Variants in PRSS23 observed in about 807,000 individuals in gnomAD.
The protein encoded by PRSS23 is serine protease 23.
Under a neutral mutation model 34.7 loss-of-function variants are expected in PRSS23, and 25 were observed. That is an observed-to-expected ratio of 0.72 (90% CI 0.53 to 1.01). The LOEUF is 1.01. Among genes scored for constraint, PRSS23 ranks in the 50% least tolerant of loss-of-function variants. The pLI is 0.00. For synonymous variants in PRSS23, 176 were observed against 186.6 expected, an observed-to-expected ratio of 0.94 and a Z score of 0.46; for missense variants, 445 against 475.6, an observed-to-expected ratio of 0.94 and a Z score of 0.60.
rs185193554 is a variant in PRSS23, at chr11:86,939,474, A to G, written c.207-11742A>G. ...GCAAATGTTCAGGACTTAGCTCTTG[A>G]ATGGCTACTAAAGATTATAATTCCT... On this transcript the variant is annotated intron_variant, in intron 2 of 2. Transcript: ENST00000533902. 8.6e-3 allele frequency among the ~76,000 whole-genome samples: 1,073 copies of G among 125,432 alleles called. 14 individuals are homozygous for G. Among genetic ancestry groups the G allele is most frequent in the African/African-American group, 0.027 (1,019 of 38,318 alleles). The allele number at this position is 125,432 out of a possible 152,430, so 82.3% of individuals were successfully genotyped here. A position where few individuals can be genotyped will look rare whatever the true frequency, so the allele number is the denominator to read the frequency against.
intron 2 of PRSS23, among the ~76,000 whole-genome samples, chr11:86,883,526 CA>C (rs1555078604): frequency 5.3e-5 from 8 of 151,996 alleles, no homozygotes; most frequent in Non-Finnish European, 2.9e-5. Flanking sequence ...TGTAAAACCC[CA>C]AACTATAAAA....
rs185367707 is a variant in PRSS23, at chr11:86,847,594, A to T, written c.206+24001A>T. Among the ~76,000 whole-genome samples the T allele has an allele frequency of 1.3e-4, 20 of 152,234 alleles. No homozygotes were observed. In the East Asian group the frequency reaches 2.5e-3, roughly 19 times the overall value. On this transcript the variant is annotated intron_variant, in intron 2 of 2. Transcript: ENST00000533902. Reference sequence around the variant, plus strand: ...GGGTGTGGGCATCCCTGTGTTTAAAATTCCAGATGGGCACCACACCTTCCA... The same window carrying T: ...GGGTGTGGGCATCCCTGTGTTTAAATTTCCAGATGGGCACCACACCTTCCA...
At chr11:86,924,460 G>A (rs560261564) in intron 2 of PRSS23, among the ~76,000 whole-genome samples, 27 of 152,320 alleles carry the variant, frequency 1.8e-4, no homozygotes, top group African/African-American at 6.3e-4. Flanking sequence ...GGACCAAGAA[G>A]TAAGGGATAG....
At chr11:86,897,914 C>T (rs1208189703) in intron 2 of PRSS23, among the ~76,000 whole-genome samples, 1 of 152,270 alleles carries the variant, frequency 6.6e-6, no homozygotes, top group South Asian at 2.1e-4. Context: ...AAAAACTGTG[C>T]CAAATAACAT....
At chr11:86,832,599 T>G (rs371439208) in intron 2 of PRSS23, 2 of 491,058 alleles carry the variant, frequency 4.1e-6, no homozygotes, top group African/African-American at 3.9e-5. Context: ...ATGAAGGGGT[T>G]CAGCATGGGG....
intron 1 of PRSS23, among the ~76,000 whole-genome samples, chr11:86,823,071 A>G (rs1458818228): frequency 6.6e-6 from 1 of 152,160 alleles, no homozygotes; most frequent in Non-Finnish European, 1.5e-5. Context: ...ACCAGCCTGA[A>G]GGTTTGGGAG....
At chr11:86,951,168 C>A (rs1827969399) in intron 2 of PRSS23, 2 of 1,613,968 alleles carry the variant, frequency 1.2e-6, no homozygotes, top group Non-Finnish European at 1.7e-6. Flanking sequence ...CTGCCTTTTC[C>A]AGGCTTCACC....
At chr11:86,882,275 G>A (rs1268031733) in intron 2 of PRSS23, among the ~76,000 whole-genome samples, 1 of 152,030 alleles carries the variant, frequency 6.6e-6, no homozygotes, top group Non-Finnish European at 1.5e-5. Context: ...CATGTCATGA[G>A]GGTTTCTTGT....
At chr11:86,893,736 T>A (rs917956443) in intron 2 of PRSS23, among the ~76,000 whole-genome samples, 9 of 151,682 alleles carry the variant, frequency 5.9e-5, no homozygotes, top group Admixed American at 2.0e-4. Flanking sequence ...TTGTTAAAAA[T>A]TTTTTTTAAA....
chr11:86,860,999 C>T (rs1345410603), intron 2 of PRSS23, among the ~76,000 whole-genome samples: 1 of 149,546 alleles, frequency 6.7e-6, no homozygotes, highest in African/African-American at 2.5e-5. Flanking sequence ...TAATATCCAC[C>T]GGGGGTGAGA....
intron 2 of PRSS23, among the ~76,000 whole-genome samples, chr11:86,832,159 C>T (rs1948362866): frequency 1.3e-5 from 2 of 152,094 alleles, no homozygotes; most frequent in Non-Finnish European, 2.9e-5. Context: ...CATGTGCGTA[C>T]ACCCCCAGTG....
chr11:86,897,534 A>T (rs372312821), intron 2 of PRSS23, among the ~76,000 whole-genome samples: 1 of 152,228 alleles, frequency 6.6e-6, no homozygotes, highest in Non-Finnish European at 1.5e-5. Context: ...GTGCAGTGGC[A>T]TAATCATATC....
chr11:86,937,063 G>T (rs1949169120), intron 2 of PRSS23: 1 of 152,150 alleles, frequency 6.6e-6, no homozygotes, highest in Non-Finnish European at 1.5e-5. Context: ...AGGAAAAAAA[G>T]CAAGAGCTTT....
chr11:86,826,569 C>T (rs1250813926), intron 2 of PRSS23, among the ~76,000 whole-genome samples: 1 of 152,128 alleles, frequency 6.6e-6, no homozygotes, highest in African/African-American at 2.4e-5. Context: ...CTGTCTTGTG[C>T]CAGTTTTCAA....
chr11:86,849,731 G>C (rs1157454667), intron 2 of PRSS23, among the ~76,000 whole-genome samples: 1 of 152,130 alleles, frequency 6.6e-6, no homozygotes, highest in African/African-American at 2.4e-5. Context: ...TTTATATCCT[G>C]CTGTACCTAA....
In PRSS23 at chr11:86,951,678, T is replaced by C. The variant is rs530613772; in HGVS notation, c.*393T>C. The C allele has an allele frequency of 1.4e-5, 23 of 1,614,108 alleles. 1 individual carries two copies. The South Asian group carries it at 2.0e-4, about 14-fold the overall frequency. On this transcript the variant is annotated 3_prime_UTR_variant, in exon 3 of 3. Coordinates refer to the PRSS23 transcript ENST00000533902. Reference sequence around the variant, plus strand: ...ACCAGTCTCATAATCAAGATGACAATGGTTTTCACTGCGGGGATGGCCCAG... The same window carrying C: ...ACCAGTCTCATAATCAAGATGACAACGGTTTTCACTGCGGGGATGGCCCAG...
chr11:86,803,679 G>A (rs1175268676), intron 1 of PRSS23, among the ~76,000 whole-genome samples: 1 of 152,064 alleles, frequency 6.6e-6, no homozygotes, highest in Non-Finnish European at 1.5e-5. Context: ...TTTGGGGCCT[G>A]TCTTAAGAGC....
At chr11:86,917,283 C>G (rs1432734636) in intron 2 of PRSS23, among the ~76,000 whole-genome samples, 5 of 152,222 alleles carry the variant, frequency 3.3e-5, no homozygotes, top group Non-Finnish European at 7.3e-5. Context: ...TGTGCCATTG[C>G]ACTCCAGCCT....
At chr11:86,853,851 A>G (rs1207770248) in intron 2 of PRSS23, among the ~76,000 whole-genome samples, 1 of 152,144 alleles carries the variant, frequency 6.6e-6, no homozygotes, top group African/African-American at 2.4e-5. Context: ...CTCCAATCAT[A>G]TTCGAGCATT....
Sources: gnomAD v4.1 joint callset for allele counts (sites outside exome capture counted in the v4.1 genomes callset) on GRCh38, gnomAD v4.1.1 for gene constraint, MANE v1.5 for transcripts, NCBI Gene and HGNC (gene_info 2026-07-23, HGNC 2026-07-21) for gene names.